Variants in DICER1 observed in about 807,000 individuals in gnomAD.
DICER1 encodes endoribonuclease Dicer.
In DICER1, 43 loss-of-function variants were observed where a neutral mutation model predicts 194.1. The ratio of observed to expected loss-of-function variants is 0.22; its 90% CI spans 0.17 to 0.29. DICER1 has a LOEUF of 0.29. DICER1 is among the 10% of genes least tolerant of loss of function. DICER1 has a pLI of 1.00. For missense variants in DICER1, 1,608 were observed against 2,317.0 expected, an observed-to-expected ratio of 0.69 and a Z score of 6.28; for synonymous variants, 832 against 820.5, an observed-to-expected ratio of 1.01 and a Z score of -0.24.
chr14:95,103,064 C>T (rs1312752868), intron 21 of DICER1, among the ~76,000 whole-genome samples: 1 of 152,208 alleles, frequency 6.6e-6, no homozygotes. Flanking sequence ...ACTTGCATAG[C>T]TTCCTTTGAA....
At chr14:95,155,368 A>T (rs374219663) in intron 1 of DICER1, among the ~76,000 whole-genome samples, 1 of 152,244 alleles carries the variant, frequency 6.6e-6, no homozygotes. Context: ...CTCACATGTC[A>T]GATAGTGGTA....
rs1060504979 is a variant in DICER1 at position 95,093,969 on chromosome 14, G to A, written c.5283C>T (p.Val1761=). 2 of 1,614,184 alleles carry A rather than the reference G, an allele frequency of 1.2e-6. No homozygotes were observed. Among genetic ancestry groups the A allele is most frequent in the Non-Finnish European group, 1.7e-6 (2 of 1,180,024 alleles). The change falls in exon 24 of 27, where the codon GTC becomes GTT. Residue 1761 remains valine (V), a synonymous_variant. Coordinates refer to ENST00000343455, the MANE Select transcript of DICER1 (RefSeq NM_177438.3). ...KYDYHKYFKA[V]SPELFHVIDD... ...CAATGACATGGAAGAGCTCAGGAGA[G>A]ACAGCTTTGAAGTACTTGTGGTAGT... is the stretch of plus-strand genomic sequence containing the variant.
intron 1 of DICER1, among the ~76,000 whole-genome samples, chr14:95,141,943 T>G (rs1894849421): frequency 6.6e-6 from 1 of 152,310 alleles, no homozygotes; most frequent in East Asian, 1.9e-4. Context: ...AACTTGTTAG[T>G]ACAATCCAAT....
Position 95,105,608 on chromosome 14 carries a change from C to T in DICER1, c.3093+70G>A. ...GCATTTAACTTGGTAAGATAAAATT[C>T]AAACTTATCTTTAATAATCTTTAAT... On this transcript the variant is annotated intron_variant, in intron 19 of 26. Transcript: ENST00000343455. This position sits in a 1 kb window ranked among gnomAD's most constrained non-coding sequence, Gnocchi z 4.9. 8.4e-7 allele frequency: 1 copy of T among 1,189,168 alleles called. No individual in the cohort carries two copies. The highest frequency in any genetic ancestry group is 1.2e-6 in the Non-Finnish European group (1 of 806,844). The allele number at this position is 1,189,168 out of a possible 1,614,324, so 73.7% of individuals were successfully genotyped here. A position where few individuals can be genotyped will look rare whatever the true frequency, so the allele number is the denominator to read the frequency against.
chr14:95,108,036 T>C lies in DICER1; in HGVS notation c.2494A>G (p.Lys832Glu), dbSNP rs1060503613. 3 of 1,613,990 alleles carry C rather than the reference T, an allele frequency of 1.9e-6. No individual in the cohort carries two copies. The highest frequency in any genetic ancestry group is 1.3e-5 in the African/African-American group (1 of 75,046). The change falls in exon 16 of 27, where the codon AAG (lysine) becomes GAG (glutamate). Residue 832 changes from lysine (K) to glutamate (E), a missense_variant. By Grantham distance (56) the Lys-to-Glu change is moderately conservative. This residue lies in a region of DICER1 where 150 missense variants were observed against 216.0 expected (regional missense o/e 0.69). Transcript: ENST00000343455. ...AGAGACAACATGAAACCAGACTTCT[T>C]CAACTCAATGGATATGGTAACCTCT... ...SGEVTISIEL[K>E]KSGFMLSLQM...
chr14:95,141,994 C>T (rs1189315033), intron 1 of DICER1, among the ~76,000 whole-genome samples: 1 of 152,164 alleles, frequency 6.6e-6, no homozygotes, highest in East Asian at 1.9e-4. Flanking sequence ...TTACCTTTTC[C>T]CTCAGTAAAA....
chr14:95,090,111 G>A lies in DICER1; in HGVS notation c.*387C>T, dbSNP rs1181884760. 11 of 388,516 alleles carry A rather than the reference G, an allele frequency of 2.8e-5. No individual in the cohort carries two copies. In the East Asian group the frequency reaches 4.6e-4, roughly 16 times the overall value. 24.1% of individuals were successfully genotyped at this position (388,516 alleles called of 1,614,324 possible). A position where few individuals can be genotyped will look rare whatever the true frequency, so the allele number is the denominator to read the frequency against. On this transcript the variant is annotated 3_prime_UTR_variant, in exon 27 of 27. Transcript: ENST00000343455. ...ATGGAGAAGAATCTACATCATCCTAGGGACTGCTGGAGGTTTAAGCTCCAT... is the reference window on the plus strand; with the variant it reads ...ATGGAGAAGAATCTACATCATCCTAAGGACTGCTGGAGGTTTAAGCTCCAT...
chr14:95,127,302 T>C (rs1380275681), intron 6 of DICER1, among the ~76,000 whole-genome samples: 1 of 152,250 alleles, frequency 6.6e-6, no homozygotes, highest in Admixed American at 6.5e-5. Context: ...TAGTTTCAGT[T>C]TGTATATCTA....
intron 24 of DICER1, among the ~76,000 whole-genome samples, chr14:95,091,745 C>T (rs904150531): frequency 6.6e-6 from 1 of 152,200 alleles, no homozygotes; most frequent in African/African-American, 2.4e-5. Flanking sequence ...TCCCTAGCTG[C>T]TTGGCAAGCA....
Position 95,126,948 on chromosome 14 carries a change from T to C in DICER1, c.735-200A>G, listed in dbSNP as rs73331523. On this transcript the variant is annotated intron_variant, in intron 6 of 26. Coordinates refer to ENST00000343455, the MANE Select transcript of DICER1 (RefSeq NM_177438.3). Reference sequence around the variant, plus strand: ...TACCATATTTCTCAACAGTAAATAATGTATTTTATAAACCAGTAAAGTGTT... The same window carrying C: ...TACCATATTTCTCAACAGTAAATAACGTATTTTATAAACCAGTAAAGTGTT... Among the ~76,000 whole-genome samples, 4,233 of 151,996 alleles carry C rather than the reference T, an allele frequency of 0.028. 197 individuals are homozygous for C. Among genetic ancestry groups the C allele is most frequent in the African/African-American group, 0.096 (3,971 of 41,428 alleles).
Position 95,111,372 on chromosome 14 carries a change from G to C in DICER1, c.2201C>G (p.Thr734Ser), listed in dbSNP as rs781312991. Residue 734 changes from threonine (T) to serine (S), a missense_variant, in exon 14 of 27, where the codon ACC (threonine) becomes AGC (serine). Thr to Ser is a moderately conservative substitution (Grantham distance 58). Transcript: ENST00000343455. ...GGAACCTGGTCTTCCTGGAACACTG[G>C]TCTCTTCTTCATCATGCAAATCAAG... ...EELDLHDEEE[T>S]SVPGRPGSTK... 3.7e-6 allele frequency: 6 copies of C among 1,614,020 alleles called. No homozygotes were observed. Among genetic ancestry groups the C allele is most frequent in the Admixed American group, 1.7e-5 (1 of 60,006 alleles).
At chr14:95,098,175 C>T (rs889818714) in intron 22 of DICER1, among the ~76,000 whole-genome samples, 1 of 152,194 alleles carries the variant, frequency 6.6e-6, no homozygotes, top group Admixed American at 6.5e-5. Flanking sequence ...GTTTCAGATG[C>T]TTCATCTACA....
intron 1 of DICER1, among the ~76,000 whole-genome samples, chr14:95,142,814 T>G (rs1163946412): frequency 6.6e-6 from 1 of 152,190 alleles, no homozygotes; most frequent in African/African-American, 2.4e-5. Flanking sequence ...ACTAGCAAAC[T>G]TAATCCACAT....
In DICER1 at chr14:95,088,014, G is replaced by A. The variant is rs1046534909; in HGVS notation, c.*2484C>T. On this transcript the variant is annotated 3_prime_UTR_variant, in exon 27 of 27. Transcript: ENST00000343455. The stretch of plus-strand genomic sequence containing the variant: ...CATTAAAAATCAGCAGCACAAAAGC[G>A]TTCATAACCATTTCATATGTCTAAC... The A allele has an allele frequency of 5.6e-5, 13 of 232,630 alleles. No homozygotes were observed. Among genetic ancestry groups the A allele is most frequent in the Non-Finnish European group, 1.0e-4 (12 of 117,716 alleles). The allele number at this position is 232,630 out of a possible 1,614,324, so 14.4% of individuals were successfully genotyped here.
At chr14:95,155,674 A>G (rs1895807793) in intron 1 of DICER1, among the ~76,000 whole-genome samples, 1 of 152,252 alleles carries the variant, frequency 6.6e-6, no homozygotes, top group Admixed American at 6.5e-5. Context: ...GATTGTAGGA[A>G]AATGTCTTTT....
intron 2 of DICER1, 30 bp from the exon 3 acceptor site, chr14:95,132,707 A>G (rs530678212): frequency 4.4e-6 from 7 of 1,606,284 alleles, no homozygotes; most frequent in South Asian, 2.2e-5. Context: ...AAAGTTATGC[A>G]CTTCTTACCT....
intron 7 of DICER1, among the ~76,000 whole-genome samples, chr14:95,126,133 A>C (rs866928706): frequency 3.0e-4 from 46 of 152,328 alleles, no homozygotes; most frequent in African/African-American, 9.9e-4. Flanking sequence ...GATGCTGCTG[A>C]TGATGATGTG....
rs1892386006 is a variant in DICER1 at position 95,115,744 on chromosome 14, A to G, written c.1830T>C (p.Val610=). The part of the protein sequence containing the change: ...DIDPVMDDDD[V]FPPYVLRPDD... Reference sequence around the variant, plus strand: ...CAGGCCTCAACACATATGGTGGGAAAACGTCATCATCATCCATGACAGGAT... The same window carrying G: ...CAGGCCTCAACACATATGGTGGGAAGACGTCATCATCATCCATGACAGGAT... The change falls in exon 11 of 27, where the codon GTT becomes GTC. Residue 610 remains valine (V), a synonymous_variant. Transcript: ENST00000343455. The G allele has an allele frequency of 6.2e-7, 1 of 1,614,040 alleles. No homozygotes were observed. The highest frequency in any genetic ancestry group is 8.5e-7 in the Non-Finnish European group (1 of 1,180,020).
At chr14:95,131,319 C>T (rs1893929439) in intron 4 of DICER1, among the ~76,000 whole-genome samples, 190 bp downstream of exon 4, 2 of 152,156 alleles carry the variant, frequency 1.3e-5, no homozygotes, top group African/African-American at 2.4e-5. Flanking sequence ...GCCACTGCAT[C>T]CGGCCTTTAT....
Sources: gnomAD v4.1 joint callset for allele counts (sites outside exome capture counted in the v4.1 genomes callset) on GRCh38, gnomAD v4.1.1 for gene constraint, gnomAD v4.1.1 regional missense constraint, Gnocchi (gnomAD v3.1) non-coding constraint, MANE v1.5 for transcripts, NCBI Gene and HGNC (gene_info 2026-07-23, HGNC 2026-07-21) for gene names.